The following UST variants were observed in gnomAD, a reference collection of about 807,000 sequenced individuals.
The protein encoded by UST is uronyl 2-sulfotransferase, also known as chondroitin sulfate 2-O-sulfotransferase.
UST carries 21 observed loss-of-function variants against 45.6 expected under a neutral mutation model. The observed-to-expected ratio is 0.46, with a 90% confidence interval of 0.33 to 0.66. UST has a LOEUF of 0.66. Ranked by LOEUF, UST falls within the 30% of genes least tolerant of loss-of-function variation. The probability of loss-of-function intolerance (pLI) is 0.02; values close to 1 mark genes in which losing one functional copy is unlikely to be tolerated. For synonymous variants in UST, 215 were observed against 200.6 expected (o/e 1.07, Z -0.61); for missense variants, 463 against 512.4 (o/e 0.90, Z 0.93).
intron 2 of UST, among the ~76,000 whole-genome samples, chr6:148,928,543 C>CA (rs1481078954): frequency 2.6e-5 from 4 of 152,202 alleles, no homozygotes; most frequent in Non-Finnish European, 5.9e-5. Flanking sequence ...TTCCCCCATC[C>CA]ATCCTGGTGG....
At chr6:149,048,275 G>T (rs1776422728) in intron 7 of UST, among the ~76,000 whole-genome samples, 1 of 152,090 alleles carries the variant, frequency 6.6e-6, no homozygotes, top group South Asian at 2.1e-4. Flanking sequence ...TGGCATGGTG[G>T]CTCATGCATG....
At chr6:148,809,034 A>G (rs961135299) in intron 1 of UST, among the ~76,000 whole-genome samples, 1 of 152,222 alleles carries the variant, frequency 6.6e-6, no homozygotes, top group African/African-American at 2.4e-5. Flanking sequence ...GCTGACTAAG[A>G]CACTGTCCCT....
chr6:149,033,281 AC>A (rs772750692), intron 7 of UST, among the ~76,000 whole-genome samples: 9 of 152,092 alleles, frequency 5.9e-5, no homozygotes, highest in Non-Finnish European at 1.0e-4. Context: ...TATAAAATGT[AC>A]CCCCTGCCGG....
intron 1 of UST, among the ~76,000 whole-genome samples, chr6:148,812,947 G>C (rs1582827632): frequency 1.3e-5 from 2 of 152,108 alleles, no homozygotes; most frequent in African/African-American, 4.8e-5. Flanking sequence ...TAAATGATAA[G>C]GGGGCATTTA....
chr6:148,858,621 A>G (rs951042531), intron 1 of UST, among the ~76,000 whole-genome samples: 3 of 151,874 alleles, frequency 2.0e-5, no homozygotes, highest in Non-Finnish European at 2.9e-5. Context: ...TACATTAGGT[A>G]TATCTCCTAA....
intron 2 of UST, among the ~76,000 whole-genome samples, chr6:148,918,709 G>T (rs920822012): frequency 9.8e-5 from 15 of 152,290 alleles, no homozygotes; most frequent in African/African-American, 3.6e-4. Flanking sequence ...AATGTCAGAG[G>T]TGCAGCGGTA....
intron 4 of UST, among the ~76,000 whole-genome samples, chr6:148,960,509 A>T (rs1412050618): frequency 3.3e-5 from 5 of 152,212 alleles, no homozygotes; most frequent in African/African-American, 1.2e-4. Flanking sequence ...GCCAGAGGCT[A>T]AAAAGGAGGT....
At chr6:149,056,397 G>A (rs1175963265) in intron 7 of UST, among the ~76,000 whole-genome samples, 5 of 152,144 alleles carry the variant, frequency 3.3e-5, no homozygotes, top group East Asian at 1.9e-4. Flanking sequence ...CTAAGCCACC[G>A]CACCCGGCCT....
At chr6:148,775,283 G>A (rs1406642500) in intron 1 of UST, among the ~76,000 whole-genome samples, 1 of 152,082 alleles carries the variant, frequency 6.6e-6, no homozygotes, top group African/African-American at 2.4e-5. Context: ...ATAAAACATT[G>A]TCAGTTAAAA....
intron 2 of UST, among the ~76,000 whole-genome samples, chr6:148,935,018 G>T (rs73778968): frequency 0.017 from 2,529 of 152,200 alleles, 84 homozygotes; most frequent in African/African-American, 0.059. Context: ...TGAAAGTCTT[G>T]GTCCAGACCA....
intron 5 of UST, among the ~76,000 whole-genome samples, chr6:148,966,275 A>T (rs550418497): frequency 6.6e-6 from 1 of 152,070 alleles, no homozygotes; most frequent in South Asian, 2.1e-4. Flanking sequence ...TAGGTTATGA[A>T]TATGACTATA....
chr6:149,052,077 T>C (rs936812670), intron 7 of UST, among the ~76,000 whole-genome samples: 3 of 152,234 alleles, frequency 2.0e-5, no homozygotes, highest in Non-Finnish European at 4.4e-5. Flanking sequence ...AATGCACATG[T>C]ATACTGTAAG....
intron 1 of UST, among the ~76,000 whole-genome samples, chr6:148,873,385 G>A (rs1450806541): frequency 1.3e-5 from 2 of 152,112 alleles, no homozygotes; most frequent in African/African-American, 2.4e-5. Context: ...CACTGTGCTG[G>A]CTCCTTGGGT....
intron 5 of UST, among the ~76,000 whole-genome samples, chr6:149,012,160 T>C (rs1011014863): frequency 3.3e-5 from 5 of 152,242 alleles, no homozygotes; most frequent in African/African-American, 1.2e-4. Context: ...CGAAGGACAC[T>C]TCCCATCTCA....
intron 1 of UST, among the ~76,000 whole-genome samples, chr6:148,821,982 G>A (rs893631970): frequency 1.3e-5 from 2 of 152,130 alleles, no homozygotes; most frequent in African/African-American, 2.4e-5. Flanking sequence ...CCTTTGAGCG[G>A]TTCCCTTACT....
chr6:148,922,492 C>CTTTT (rs10634690), intron 2 of UST, among the ~76,000 whole-genome samples: 2 of 140,752 alleles, frequency 1.4e-5, no homozygotes, highest in African/African-American at 5.2e-5. Context: ...CTTTCTTTTT[C>CTTTT]TTTTTTTTTT....
intron 7 of UST, among the ~76,000 whole-genome samples, chr6:149,056,936 T>A (rs1201256040): frequency 6.6e-6 from 1 of 152,220 alleles, no homozygotes; most frequent in Non-Finnish European, 1.5e-5. Flanking sequence ...GAACAGCTGC[T>A]TCATTCACAG....
intron 1 of UST, among the ~76,000 whole-genome samples, chr6:148,846,355 C>T (rs988030870): frequency 2.0e-5 from 3 of 151,932 alleles, no homozygotes; most frequent in Non-Finnish European, 4.4e-5. Flanking sequence ...GGACAAAAAA[C>T]CAAACACTGC....
intron 5 of UST, among the ~76,000 whole-genome samples, chr6:148,978,111 T>C (rs1038343124): frequency 6.6e-6 from 1 of 152,230 alleles, no homozygotes; most frequent in Non-Finnish European, 1.5e-5. Flanking sequence ...AAGTGAATTC[T>C]ATGTTTGTCA....
Sources: allele counts gnomAD v4.1 joint callset (sites outside exome capture counted in the v4.1 genomes callset), GRCh38; gene constraint gnomAD v4.1.1; transcripts MANE v1.5; gene names NCBI Gene and HGNC (gene_info 2026-07-23, HGNC 2026-07-21).